Variants in PPP2R2B observed in about 807,000 individuals in gnomAD.
PPP2R2B encodes serine/threonine-protein phosphatase 2A 55 kDa regulatory subunit B beta isoform.
Under a neutral mutation model 46.0 loss-of-function variants are expected in PPP2R2B, and 5 were observed. The ratio of observed to expected loss-of-function variants is 0.11; its 90% CI spans 0.06 to 0.23. The LOEUF (loss-of-function observed/expected upper bound fraction) is 0.23, where lower values mean the gene tolerates loss of function less well. Ranked by LOEUF, PPP2R2B falls within the 10% of genes least tolerant of loss-of-function variation. PPP2R2B has a pLI of 1.00. For missense variants in PPP2R2B, 367 were observed against 575.0 expected, an observed-to-expected ratio of 0.64 and a Z score of 3.70; for synonymous variants, 215 against 206.7, an observed-to-expected ratio of 1.04 and a Z score of -0.34.
intron 1 of PPP2R2B, among the ~76,000 whole-genome samples, chr5:146,884,285 TA>T (rs1762257069): frequency 6.6e-6 from 1 of 152,090 alleles, no homozygotes; most frequent in Non-Finnish European, 1.5e-5. Context: ...ACTTCTGCCA[TA>T]ATGTTAAATA....
chr5:146,646,846 CGTG>C (rs1775613841), intron 6 of PPP2R2B, among the ~76,000 whole-genome samples: 1 of 152,048 alleles, frequency 6.6e-6, no homozygotes, highest in Non-Finnish European at 1.5e-5. Context: ...TAAATGTGTG[CGTG>C]CGTATGTGTG....
At chr5:146,789,094 A>G (rs1016594004) in intron 2 of PPP2R2B, among the ~76,000 whole-genome samples, 2 of 152,218 alleles carry the variant, frequency 1.3e-5, no homozygotes, top group Admixed American at 1.3e-4. Context: ...CTCCAGGAAC[A>G]AAAGGTGGCC....
chr5:146,845,876 C>T (rs1029071199), intron 2 of PPP2R2B, among the ~76,000 whole-genome samples: 4 of 152,110 alleles, frequency 2.6e-5, no homozygotes, highest in African/African-American at 9.7e-5. Context: ...TTGGGAGCTC[C>T]AGACCTGTAC....
At chr5:146,757,735 C>T (rs1202697982) in intron 2 of PPP2R2B, among the ~76,000 whole-genome samples, 3 of 152,182 alleles carry the variant, frequency 2.0e-5, no homozygotes, top group Non-Finnish European at 4.4e-5. Flanking sequence ...CCAAATCACA[C>T]TGGTACTTAG....
At chr5:146,860,058 A>C (rs145517204) in intron 2 of PPP2R2B, among the ~76,000 whole-genome samples, 1 of 152,322 alleles carries the variant, frequency 6.6e-6, no homozygotes, top group African/African-American at 2.4e-5. Flanking sequence ...CAATTTTTCT[A>C]GTGATTTTAC....
intron 2 of PPP2R2B, among the ~76,000 whole-genome samples, chr5:146,848,484 G>A (rs1760141929): frequency 6.6e-6 from 1 of 152,090 alleles, no homozygotes; most frequent in Non-Finnish European, 1.5e-5. Flanking sequence ...GATCTTGACA[G>A]TTTTGAGGAA....
intron 1 of PPP2R2B, among the ~76,000 whole-genome samples, chr5:146,998,086 A>G (rs1754002825): frequency 1.3e-5 from 2 of 152,326 alleles, no homozygotes; most frequent in South Asian, 2.1e-4. Flanking sequence ...TATAGCAGAA[A>G]ATAACTTTAA....
intron 2 of PPP2R2B, among the ~76,000 whole-genome samples, chr5:147,071,554 C>A (rs1277372357): frequency 6.6e-6 from 1 of 152,190 alleles, no homozygotes; most frequent in Admixed American, 6.5e-5. Context: ...CTTAAACATA[C>A]CAGATAAGCC....
intron 9 of PPP2R2B, 87 bp downstream of exon 9, chr5:146,592,884 C>G: frequency 7.4e-7 from 1 of 1,354,748 alleles, no homozygotes; most frequent in Admixed American, 1.7e-5. Context: ...TTTGACCTCC[C>G]TTTGGCTGTA....
Position 146,829,466 on chromosome 5 carries a change from A to T in PPP2R2B, c.70+48536T>A, listed in dbSNP as rs1431637506. ...CATATTTTGTTTCATTTGCAACATG[A>T]GTAAAATCACATTGTTCTTCTGAAG... On this transcript the variant is annotated intron_variant, in intron 2 of 9. Transcript: ENST00000394411. 3.9e-5 allele frequency among the ~76,000 whole-genome samples: 6 copies of T among 152,354 alleles called. No individual in the cohort carries two copies. In the East Asian group the frequency reaches 1.2e-3, roughly 29 times the overall value.
chr5:146,942,053 C>T (rs914664111), intron 1 of PPP2R2B, among the ~76,000 whole-genome samples: 2 of 152,176 alleles, frequency 1.3e-5, no homozygotes, highest in African/African-American at 4.8e-5. Context: ...GAGTGTCTCT[C>T]TTATGAGTAC....
rs371929797 is a variant in PPP2R2B at position 146,651,421 on chromosome 5, C to T, written c.448-697G>A. On this transcript the variant is annotated intron_variant, in intron 5 of 9. Coordinates refer to ENST00000394411, the MANE Select transcript of PPP2R2B (RefSeq NM_181675.4). The stretch of plus-strand genomic sequence containing the variant: ...ACCTTACTGATACATAAATACTTCT[C>T]AGTAAGTATTTGTTGAATGAGTAAG... Among the ~76,000 whole-genome samples, 6 of 152,270 alleles carry T rather than the reference C, an allele frequency of 3.9e-5. No individual in the cohort carries two copies. The East Asian group carries it at 9.6e-4, about 24-fold the overall frequency.
At chr5:146,601,727 T>C (rs560745421) in intron 7 of PPP2R2B, among the ~76,000 whole-genome samples, 1 of 152,356 alleles carries the variant, frequency 6.6e-6, no homozygotes, top group South Asian at 2.1e-4. Context: ...TTGTATAAAC[T>C]TAATGGGTAC....
chr5:146,609,270 G>A (rs1208387898), intron 7 of PPP2R2B, among the ~76,000 whole-genome samples: 1 of 152,158 alleles, frequency 6.6e-6, no homozygotes, highest in African/African-American at 2.4e-5. Context: ...AAAACTGAAA[G>A]CCTTTCCTTT....
At chr5:146,652,803 A>G (rs1023992104) in intron 5 of PPP2R2B, among the ~76,000 whole-genome samples, 1 of 152,092 alleles carries the variant, frequency 6.6e-6, no homozygotes, top group Non-Finnish European at 1.5e-5. Flanking sequence ...GTGAATAGGG[A>G]AAAAAATGAA....
At chr5:146,931,128 T>C (rs550414721) in intron 1 of PPP2R2B, among the ~76,000 whole-genome samples, 2 of 152,280 alleles carry the variant, frequency 1.3e-5, no homozygotes, top group Admixed American at 1.3e-4. Context: ...AGCTCTTCTA[T>C]GCTCAACTAT....
Position 146,693,074 on chromosome 5 carries a change from C to T in PPP2R2B, c.335-1834G>A, listed in dbSNP as rs77840135. Among the ~76,000 whole-genome samples, 936 of 152,252 alleles carry T rather than the reference C, an allele frequency of 6.1e-3. 12 individuals carry two copies. Among genetic ancestry groups the T allele is most frequent in the African/African-American group, 0.021 (881 of 41,556 alleles). ...CTGACGCCAGTCACATGTCCAAGGA[C>T]GGGGATTCCCACTCAGTAGGTACAT... On this transcript the variant is annotated intron_variant, in intron 4 of 9. Transcript: ENST00000394411.
intron 1 of PPP2R2B, among the ~76,000 whole-genome samples, chr5:146,931,201 T>C (rs1763959037): frequency 6.6e-6 from 1 of 152,098 alleles, no homozygotes; most frequent in African/African-American, 2.4e-5. Flanking sequence ...CAATAATACA[T>C]TGGCAAGTGG....
At chr5:146,762,237 C>A (rs1292295388) in intron 2 of PPP2R2B, among the ~76,000 whole-genome samples, 3 of 152,176 alleles carry the variant, frequency 2.0e-5, no homozygotes, top group African/African-American at 2.4e-5. Context: ...AATAATCTTT[C>A]ATAGATTTTA....
Sources: gnomAD v4.1 joint callset for allele counts (sites outside exome capture counted in the v4.1 genomes callset) on GRCh38, gnomAD v4.1.1 for gene constraint, MANE v1.5 for transcripts, NCBI Gene and HGNC (gene_info 2026-07-23, HGNC 2026-07-21) for gene names.